Variants in PAK2 observed in about 807,000 individuals in gnomAD.
PAK2 encodes p21 (RAC1) activated kinase 2, also known as serine/threonine-protein kinase PAK 2.
In PAK2, 21 loss-of-function variants were observed where a neutral mutation model predicts 65.9. The observed-to-expected ratio is 0.32, with a 90% CI of 0.23 to 0.46. The LOEUF (loss-of-function observed/expected upper bound fraction) is 0.46, where lower values mean the gene tolerates loss of function less well. Among genes scored for constraint, PAK2 ranks in the 20% least tolerant of loss-of-function variants. The pLI is 1.00. For synonymous variants in PAK2, 204 were observed against 219.7 expected (o/e 0.93, Z 0.63); for missense variants, 324 against 642.6 (o/e 0.50, Z 5.36).
Position 196,805,356 on chromosome 3 carries a change from A to G in PAK2, c.441A>G (p.Lys147=). The G allele has an allele frequency of 2.1e-6, 3 of 1,447,816 alleles. No homozygotes were observed. The highest frequency in any genetic ancestry group is 2.8e-6 in the Non-Finnish European group (3 of 1,062,740). The allele number at this position is 1,447,816 out of a possible 1,614,324, so 89.7% of individuals were successfully genotyped here. The change falls in exon 5 of 15, where the codon AAA becomes AAG. Residue 147 remains lysine (K), a synonymous_variant. Coordinates refer to ENST00000327134, the MANE Select transcript of PAK2 (RefSeq NM_002577.4). Reference sequence around the variant, plus strand: ...TATGTTTTGTTTCATATTCAGAGAAAGATGGCTTTCCTTCTGGAACACCAG... The same window carrying G: ...TATGTTTTGTTTCATATTCAGAGAAGGATGGCTTTCCTTCTGGAACACCAG... The part of the protein sequence containing the change: ...QKYLSFTPPE[K]DGFPSGTPAL...
Position 196,791,268 on chromosome 3 carries a change from A to G in PAK2, c.187+8435A>G, listed in dbSNP as rs1715060880. On this transcript the variant is annotated intron_variant, in intron 2 of 14. Transcript: ENST00000327134. The surrounding 1 kb of genome is among the most constrained non-coding windows in gnomAD (Gnocchi z 4.0). ...GTTTCTAATATCCTTTCCTTTTCCC[A>G]TTGAGACTATTAAAATACAGAGAGT... 6.6e-6 allele frequency among the ~76,000 whole-genome samples: 1 copy of G among 152,100 alleles called. No individual in the cohort carries two copies. The highest frequency in any genetic ancestry group is 1.5e-5 in the Non-Finnish European group (1 of 68,022).
At chr3:196,781,651 T>A (rs184297819) in intron 1 of PAK2, among the ~76,000 whole-genome samples, 1 of 152,354 alleles carries the variant, frequency 6.6e-6, no homozygotes, top group East Asian at 1.9e-4. Flanking sequence ...AGAGACCAAA[T>A]ACTGTATCAG....
intron 2 of PAK2, among the ~76,000 whole-genome samples, chr3:196,799,556 C>T (rs73074688): frequency 0.14 from 21,681 of 152,146 alleles, 1,895 homozygotes; most frequent in Admixed American, 0.23. Flanking sequence ...GTGATGCCTT[C>T]GGCTACGTTA....
At position 196,807,800 on chromosome 3, in the gene PAK2, A is replaced by G; in HGVS notation, c.595A>G (p.Ile199Val). 1 of 1,608,592 alleles carries G rather than the reference A, an allele frequency of 6.2e-7. No homozygotes were observed. Among genetic ancestry groups the G allele is most frequent in the Non-Finnish European group, 8.5e-7 (1 of 1,176,332 alleles). ...HTKSIYTRSV[I>V]DPVPAPVGDS... The stretch of plus-strand genomic sequence containing the variant: ...TCCACAGATTTACACACGGTCTGTA[A>G]TTGACCCTGTTCCTGCACCAGTTGG... Residue 199 changes from isoleucine to valine, a missense_variant, in exon 7 of 15, where the codon ATT (isoleucine) becomes GTT (valine). Physicochemically the swap from Ile to Val is conservative, Grantham distance 29. Around this residue, in one of 5 missense-constraint regions of PAK2, gnomAD observed 183 missense variants for 246.2 expected, o/e 0.74. Transcript: ENST00000327134.
At chr3:196,756,747 A>C (rs1560091749) in intron 1 of PAK2, among the ~76,000 whole-genome samples, 1 of 152,198 alleles carries the variant, frequency 6.6e-6, no homozygotes, top group Non-Finnish European at 1.5e-5. Context: ...GAGGCAGAAG[A>C]ATCGCTTGAA....
chr3:196,811,445 A>T (rs1480884531), intron 8 of PAK2, among the ~76,000 whole-genome samples: 4 of 109,296 alleles, frequency 3.7e-5, no homozygotes, highest in Non-Finnish European at 6.9e-5. Flanking sequence ...GCAGTGACAT[A>T]ATCTCAGCTC....
In PAK2 at chr3:196,791,690, C is replaced by T. The variant is rs945719724; in HGVS notation, c.187+8857C>T. On this transcript the variant is annotated intron_variant, in intron 2 of 14. Coordinates refer to ENST00000327134, the MANE Select transcript of PAK2 (RefSeq NM_002577.4). This position sits in a 1 kb window ranked among gnomAD's most constrained non-coding sequence, Gnocchi z 4.0. Reference sequence around the variant, plus strand: ...CTGTAATCCCAGCACTTTGGGAGGCCGAGGCAGGTGGATCACGAGGTCAGG... The same window carrying T: ...CTGTAATCCCAGCACTTTGGGAGGCTGAGGCAGGTGGATCACGAGGTCAGG... Among the ~76,000 whole-genome samples the T allele has an allele frequency of 5.3e-5, 8 of 151,684 alleles. No homozygotes were observed. Among genetic ancestry groups the T allele is most frequent in the Admixed American group, 2.6e-4 (4 of 15,236 alleles).
rs1715929687 is a variant in PAK2, at chr3:196,814,502, G to A, written c.987G>A (p.Gly329=). Residue 329 remains glycine, a synonymous_variant, in exon 11 of 15, where the codon GGG becomes GGA. Transcript: ENST00000327134. Reference sequence around the variant, plus strand: ...TGGTCATGGAATACCTTGCTGGGGGGTCACTCACTGATGTGGTAACAGAAA... The same window carrying A: ...TGGTCATGGAATACCTTGCTGGGGGATCACTCACTGATGTGGTAACAGAAA... ...LFVVMEYLAG[G]SLTDVVTETC... is the part of the protein sequence containing the mutation. The A allele has an allele frequency of 1.3e-6, 2 of 1,558,410 alleles. No individual in the cohort carries two copies. The highest frequency in any genetic ancestry group is 1.4e-5 in the African/African-American group (1 of 73,570).
At chr3:196,781,935 C>G (rs989766602) in intron 1 of PAK2, among the ~76,000 whole-genome samples, 3 of 152,120 alleles carry the variant, frequency 2.0e-5, no homozygotes, top group African/African-American at 7.2e-5. Context: ...GAAACCCCGT[C>G]TCTACTAAAA....
intron 13 of PAK2, among the ~76,000 whole-genome samples, chr3:196,824,800 T>C (rs535065749): frequency 1.5e-4 from 23 of 150,284 alleles, no homozygotes; most frequent in South Asian, 1.5e-3. Context: ...GGGCAACATA[T>C]CGAGAATGCA....
At chr3:196,773,642 G>A (rs755301328) in intron 1 of PAK2, among the ~76,000 whole-genome samples, 1 of 152,062 alleles carries the variant, frequency 6.6e-6, no homozygotes, top group African/African-American at 2.4e-5. Flanking sequence ...TTGGGAGGCC[G>A]AGGTGGGTGG....
At chr3:196,763,787 ATCC>A (rs778322113) in intron 1 of PAK2, among the ~76,000 whole-genome samples, 184 of 152,202 alleles carry the variant, frequency 1.2e-3, no homozygotes, top group Middle Eastern at 3.4e-3. Context: ...CTACAAAGAG[ATCC>A]AGTGTTAATT....
intron 2 of PAK2, among the ~76,000 whole-genome samples, chr3:196,794,447 C>T (rs941660113): frequency 2.0e-5 from 3 of 152,200 alleles, no homozygotes; most frequent in South Asian, 2.1e-4. Context: ...ATCGGACTTC[C>T]GTATCTGCAA....
In PAK2 at chr3:196,805,392, A is replaced by C. The variant is rs1180347104; in HGVS notation, c.468+9A>C. 3 of 1,314,182 alleles carry C rather than the reference A, an allele frequency of 2.3e-6. No homozygotes were observed. The highest frequency in any genetic ancestry group is 3.2e-6 in the Non-Finnish European group (3 of 946,048). 81.4% of individuals were successfully genotyped at this position (1,314,182 alleles called of 1,614,324 possible). ...CTTCTGGAACACCAGCAGTAAGTTAATTATATTATTTCTTGTATCTCTTGT... is the reference window on the plus strand; with the variant it reads ...CTTCTGGAACACCAGCAGTAAGTTACTTATATTATTTCTTGTATCTCTTGT... On this transcript the variant is annotated intron_variant, in intron 5 of 14. Transcript: ENST00000327134.
At chr3:196,754,268 G>T (rs1713700212) in intron 1 of PAK2, among the ~76,000 whole-genome samples, 1 of 152,138 alleles carries the variant, frequency 6.6e-6, no homozygotes, top group Non-Finnish European at 1.5e-5. Flanking sequence ...AATCTTCCTT[G>T]TGGTTTTCTT....
At chr3:196,773,326 C>T (rs1050045662) in intron 1 of PAK2, among the ~76,000 whole-genome samples, 2 of 151,982 alleles carry the variant, frequency 1.3e-5, no homozygotes, top group African/African-American at 4.8e-5. Flanking sequence ...AGTATTTTAC[C>T]ATGAATTATT....
intron 1 of PAK2, among the ~76,000 whole-genome samples, chr3:196,766,717 A>G (rs1261574741): frequency 6.6e-6 from 1 of 151,904 alleles, no homozygotes; most frequent in Non-Finnish European, 1.5e-5. Flanking sequence ...CTATTTTTTA[A>G]AATTTTGGTT....
chr3:196,748,118 G>T (rs1713451967), intron 1 of PAK2, among the ~76,000 whole-genome samples: 1 of 150,682 alleles, frequency 6.6e-6, no homozygotes, highest in African/African-American at 2.5e-5. Flanking sequence ...TGTTGGTTGA[G>T]TGTCACTCTC....
At chr3:196,751,716 G>A (rs1478511146) in intron 1 of PAK2, among the ~76,000 whole-genome samples, 3 of 91,168 alleles carry the variant, frequency 3.3e-5, no homozygotes, top group African/African-American at 5.6e-5. Context: ...TATATAAAAG[G>A]CATTTATGAA....
Sources: gnomAD v4.1 joint callset for allele counts (sites outside exome capture counted in the v4.1 genomes callset) on GRCh38, gnomAD v4.1.1 for gene constraint, gnomAD v4.1.1 regional missense constraint, Gnocchi (gnomAD v3.1) non-coding constraint, MANE v1.5 for transcripts, NCBI Gene and HGNC (gene_info 2026-07-23, HGNC 2026-07-21) for gene names.